ZNF610: variants seen among roughly 807,000 people sequenced by gnomAD.
ZNF610 encodes zink finger protein.
ZNF610 carries 14 observed loss-of-function variants against 14.1 expected under a neutral mutation model. The observed-to-expected ratio is 0.99, with a 90% confidence interval of 0.65 to 1.55. ZNF610 has a LOEUF of 1.55. Ranked by LOEUF, ZNF610 falls within the 40% of genes most tolerant of loss-of-function variation. The pLI, the probability that ZNF610 is intolerant of heterozygous loss-of-function variation, is 0.00. For synonymous variants in ZNF610, 185 were observed against 187.6 expected, an observed-to-expected ratio of 0.99 and a Z score of 0.11; for missense variants, 530 against 558.0, an observed-to-expected ratio of 0.95 and a Z score of 0.51.
intron 1 of ZNF610, among the ~76,000 whole-genome samples, chr19:52,342,422 T>C (rs1254961304): frequency 6.6e-6 from 1 of 152,174 alleles, no homozygotes; most frequent in Non-Finnish European, 1.5e-5. Context: ...TGTCCTCATC[T>C]TTCTTTCCCT....
Position 52,354,401 on chromosome 19 carries a change from G to A in ZNF610, c.319+22G>A, listed in dbSNP as rs774471661. ...ACAGGTAAGAGCTCTGATGGGCAGT[G>A]TGGAGGCCATAGTTTTTATTTTTTT... On this transcript the variant is annotated intron_variant, in intron 5 of 5. Transcript: ENST00000403906. 5 of 1,606,612 alleles carry A rather than the reference G, an allele frequency of 3.1e-6. No homozygotes were observed. In the Admixed American group the frequency reaches 6.9e-5, roughly 22 times the overall value.
intron 1 of ZNF610, among the ~76,000 whole-genome samples, chr19:52,344,805 T>A (rs1984858071): frequency 6.6e-6 from 1 of 152,182 alleles, no homozygotes; most frequent in Non-Finnish European, 1.5e-5. Context: ...CTCTTTTGTT[T>A]TTGAGGAGTC....
Position 52,366,900 on chromosome 19 carries a change from C to A in ZNF610, c.*133C>A. ...AAGCCTCATCACTCATCTCTTGATCCACACTGAAAGGAAACCCTACAAATG... is the reference window on the plus strand; with the variant it reads ...AAGCCTCATCACTCATCTCTTGATCAACACTGAAAGGAAACCCTACAAATG... On this transcript the variant is annotated 3_prime_UTR_variant, in exon 6 of 6. Transcript: ENST00000403906. 1 of 657,760 alleles carries A rather than the reference C, an allele frequency of 1.5e-6. No homozygotes were observed. Among genetic ancestry groups the A allele is most frequent in the Non-Finnish European group, 2.6e-6 (1 of 390,492 alleles). 40.7% of individuals were successfully genotyped at this position (657,760 alleles called of 1,614,324 possible).
intron 1 of ZNF610, among the ~76,000 whole-genome samples, chr19:52,337,709 C>T (rs890842): frequency 0.75 from 114,108 of 152,086 alleles, 43,198 homozygotes; most frequent in African/African-American, 0.79. Flanking sequence ...CTATTATGAT[C>T]AAATTGTGAT....
intron 1 of ZNF610, among the ~76,000 whole-genome samples, chr19:52,344,732 A>G (rs562851302): frequency 6.6e-6 from 1 of 152,316 alleles, no homozygotes; most frequent in Admixed American, 6.5e-5. Context: ...AAAATGAAGA[A>G]TGTACAACTT....
At chr19:52,364,330 C>G (rs1158288508) in intron 5 of ZNF610, among the ~76,000 whole-genome samples, 1 of 152,060 alleles carries the variant, frequency 6.6e-6, no homozygotes. Context: ...TCTCAGGATA[C>G]TATGTTTCCA....
intron 1 of ZNF610, among the ~76,000 whole-genome samples, chr19:52,338,017 G>GGGT (rs1282211051): frequency 6.6e-6 from 1 of 152,140 alleles, no homozygotes; most frequent in Admixed American, 6.5e-5. Context: ...AAAATGTGTT[G>GGGT]GGGATTACTT....
At chr19:52,337,161 G>C (rs557191119) in intron 1 of ZNF610, among the ~76,000 whole-genome samples, 9 of 151,478 alleles carry the variant, frequency 5.9e-5, no homozygotes, top group South Asian at 2.1e-4. Context: ...GGGGCAGAAA[G>C]GGGGAGGCTC....
intron 1 of ZNF610, chr19:52,345,551 G>A (rs137883885): frequency 1.8e-3 from 275 of 151,860 alleles, no homozygotes; most frequent in Admixed American, 5.6e-3. Flanking sequence ...GAAGAGGTGA[G>A]AAGATAGGAA....
At chr19:52,338,924 C>CGCCGGAGGACCGGT (rs1198006741) in intron 1 of ZNF610, among the ~76,000 whole-genome samples, 2 of 151,902 alleles carry the variant, frequency 1.3e-5, no homozygotes, top group African/African-American at 4.8e-5. Context: ...GGAGGACCCG[C>CGCCGGAGGACCGGT]GCCGGCCCGG....
At chr19:52,345,705 T>A (rs1223125245) in intron 1 of ZNF610, among the ~76,000 whole-genome samples, 1 of 151,646 alleles carries the variant, frequency 6.6e-6, no homozygotes, top group African/African-American at 2.4e-5. Flanking sequence ...ATTTTATTTT[T>A]ATTTTTATTT....
Position 52,362,545 on chromosome 19 carries a change from G to A in ZNF610, c.320-3153G>A, listed in dbSNP as rs1985834070. The stretch of plus-strand genomic sequence containing the variant: ...CGGGATTATAGATGTGAGGCATCAT[G>A]CCTGGCCATTTGTTTATTTTTAATG... On this transcript the variant is annotated intron_variant, in intron 5 of 5. Coordinates refer to ENST00000403906, the MANE Select transcript of ZNF610 (RefSeq NM_001161425.2). 2.0e-5 allele frequency among the ~76,000 whole-genome samples: 3 copies of A among 152,198 alleles called. No homozygotes were observed. In the South Asian group the frequency reaches 6.2e-4, roughly 32 times the overall value.
intron 1 of ZNF610, among the ~76,000 whole-genome samples, chr19:52,338,919 A>ACCCGCGC (rs1555800687): frequency 6.6e-6 from 1 of 151,214 alleles, no homozygotes; most frequent in Admixed American, 6.6e-5. Context: ...CATACGGAGG[A>ACCCGCGC]CCCGCGCCGG....
intron 5 of ZNF610, among the ~76,000 whole-genome samples, chr19:52,358,765 A>G (rs1335196786): frequency 6.6e-6 from 1 of 152,106 alleles, no homozygotes; most frequent in Non-Finnish European, 1.5e-5. Flanking sequence ...GATTTTTTCT[A>G]GGAGTTTTAT....
intron 5 of ZNF610, 97 bp from the exon 6 acceptor site, chr19:52,365,601 C>T: frequency 9.4e-7 from 1 of 1,064,664 alleles, no homozygotes; most frequent in Non-Finnish European, 1.4e-6. Flanking sequence ...ATACTTCTTC[C>T]AGTGTCTGAG....
In ZNF610 at chr19:52,361,740, G is replaced by A. The variant is rs187534834; in HGVS notation, c.320-3958G>A. ...CTCCCAAAGTGCTAGGATTACAGGC[G>A]TGAAACACTATGCCCAACTGTCAAT... On this transcript the variant is annotated intron_variant, in intron 5 of 5. Transcript: ENST00000403906. 5.9e-5 allele frequency among the ~76,000 whole-genome samples: 9 copies of A among 152,134 alleles called. No individual in the cohort carries two copies. The East Asian group carries it at 9.7e-4, about 16-fold the overall frequency.
At chr19:52,349,090 G>C (rs1006656384) in intron 2 of ZNF610, 64 bp from the exon 3 acceptor site, 2 of 1,200,516 alleles carry the variant, frequency 1.7e-6, no homozygotes, top group Non-Finnish European at 2.4e-6. Flanking sequence ...TGTGTGTGTG[G>C]TTGTGGCATA....
chr19:52,359,991 T>C lies in ZNF610; in HGVS notation c.319+5612T>C, dbSNP rs1985702774. Among the ~76,000 whole-genome samples the C allele has an allele frequency of 2.0e-5, 3 of 152,308 alleles. No individual in the cohort carries two copies. In the South Asian group the frequency reaches 6.2e-4, roughly 32 times the overall value. The stretch of plus-strand genomic sequence containing the variant: ...AAAAGGATACAGATGAAGAGACCTG[T>C]AGGGCAAGGTATGGGGGAAGGGGTG... On this transcript the variant is annotated intron_variant, in intron 5 of 5. Coordinates refer to ENST00000403906, the MANE Select transcript of ZNF610 (RefSeq NM_001161425.2).
rs930513930 is a variant in ZNF610, at chr19:52,346,799, G to A, written c.-257-908G>A. ...GGCTGGAGTACAGTGGTGCGGTCTC[G>A]GCTCACTGGAACCTCCACCTCCAGG... On this transcript the variant is annotated intron_variant, in intron 1 of 5. Coordinates refer to ENST00000403906, the MANE Select transcript of ZNF610 (RefSeq NM_001161425.2). Among the ~76,000 whole-genome samples the A allele has an allele frequency of 1.1e-4, 16 of 151,746 alleles. 1 individual carries two copies. The highest frequency in any genetic ancestry group is 7.9e-4 in the Admixed American group (12 of 15,226).
Sources: allele counts gnomAD v4.1 joint callset (sites outside exome capture counted in the v4.1 genomes callset), GRCh38; gene constraint gnomAD v4.1.1; transcripts MANE v1.5; gene names NCBI Gene and HGNC (gene_info 2026-07-23, HGNC 2026-07-21).